The following TECTA variants were observed in gnomAD, a reference collection of about 807,000 sequenced individuals.
TECTA encodes the protein tectorin alpha.
TECTA carries 128 observed loss-of-function variants against 216.8 expected under a neutral mutation model. The ratio of observed to expected loss-of-function variants is 0.59; its 90% confidence interval spans 0.51 to 0.68. TECTA has a LOEUF of 0.68. Ranked by LOEUF, TECTA falls within the 30% of genes least tolerant of loss-of-function variation. The pLI, the probability that TECTA is intolerant of heterozygous loss-of-function variation, is 0.00. For synonymous variants in TECTA, 1,089 were observed against 1,117.1 expected, an observed-to-expected ratio of 0.97 and a Z score of 0.50; for missense variants, 2,551 against 2,786.2, an observed-to-expected ratio of 0.92 and a Z score of 1.90.
chr11:121,125,906 T>C, intron 8 of TECTA, 34 bp downstream of exon 8: 1 of 1,598,596 alleles, frequency 6.3e-7, no homozygotes, highest in Non-Finnish European at 8.5e-7. Context: ...GACAGGTCTC[T>C]CTTGTGCAGG....
At chr11:121,124,011 G>A (rs1043790945) in intron 7 of TECTA, among the ~76,000 whole-genome samples, 3 of 152,104 alleles carry the variant, frequency 2.0e-5, no homozygotes, top group Admixed American at 6.5e-5. Context: ...TATCTCAGAT[G>A]TCTCCTTCCC....
At chr11:121,168,349 G>T in intron 19 of TECTA, 132 bp downstream of exon 19, 1 of 1,255,892 alleles carries the variant, frequency 8.0e-7, no homozygotes, top group Admixed American at 1.7e-5. Flanking sequence ...GAGCCTAAAT[G>T]CTTTCAACCA....
Position 121,168,458 on chromosome 11 carries a change from CA to C in TECTA, c.5751-218del, listed in dbSNP as rs1306221690. The C allele has an allele frequency of 1.7e-5, 14 of 845,936 alleles. No individual in the cohort carries two copies. In the South Asian group the frequency reaches 2.4e-4, roughly 14 times the overall value. 52.4% of individuals were successfully genotyped at this position (845,936 alleles called of 1,614,324 possible). A position where few individuals can be genotyped will look rare whatever the true frequency, so the allele number is the denominator to read the frequency against. The stretch of plus-strand genomic sequence containing the variant: ...GCTGCTCAGCACTTGAAATGTGGCT[CA>C]GGGGGCTGCGGAATTGAATTTTTAA... On this transcript the variant is annotated intron_variant, in intron 19 of 23. Coordinates refer to ENST00000392793, the MANE Select transcript of TECTA (RefSeq NM_005422.4).
At chr11:121,111,153 G>T (rs1946438284) in intron 4 of TECTA, among the ~76,000 whole-genome samples, 1 of 152,220 alleles carries the variant, frequency 6.6e-6, no homozygotes, top group Non-Finnish European at 1.5e-5. Flanking sequence ...AATATTTACT[G>T]AGGGTTTACT....
intron 16 of TECTA, among the ~76,000 whole-genome samples, chr11:121,163,370 G>T (rs1222263215): frequency 6.7e-6 from 1 of 148,692 alleles, no homozygotes; most frequent in Non-Finnish European, 1.5e-5. Flanking sequence ...GAATACTCAT[G>T]TTCTCACTCA....
chr11:121,113,976 A>G lies in TECTA; in HGVS notation c.790+258A>G, dbSNP rs1393861117. On this transcript the variant is annotated intron_variant, in intron 6 of 23. Transcript: ENST00000392793. This position sits in a 1 kb window ranked among gnomAD's most constrained non-coding sequence, Gnocchi z 4.2. The stretch of plus-strand genomic sequence containing the variant: ...GTTATCCGTTCTGAACAACTCCGAA[A>G]TGGACCAAGATCTTGAGTGATTTCT... Among the ~76,000 whole-genome samples the G allele has an allele frequency of 6.6e-6, 1 of 152,204 alleles. No individual in the cohort carries two copies. The highest frequency in any genetic ancestry group is 2.4e-5 in the African/African-American group (1 of 41,454).
At position 121,105,766 on chromosome 11, in the gene TECTA, A is replaced by C; in HGVS notation, c.65-65A>C. On this transcript the variant is annotated intron_variant, in intron 2 of 23. Transcript: ENST00000392793. The surrounding 1 kb of genome is among the most constrained non-coding windows in gnomAD (Gnocchi z 5.3). ...AAAGAAGCTGGCTTCAGTAGGTAGG[A>C]GAGATGTAGATTGCCAAACGGCAGA... 1.2e-6 allele frequency: 2 copies of C among 1,606,680 alleles called. No homozygotes were observed. The highest frequency in any genetic ancestry group is 1.7e-6 in the Non-Finnish European group (2 of 1,176,550).
chr11:121,123,372 A>G (rs978734963), intron 7 of TECTA, among the ~76,000 whole-genome samples: 1 of 152,060 alleles, frequency 6.6e-6, no homozygotes, highest in Non-Finnish European at 1.5e-5. Flanking sequence ...CTCATGCCCC[A>G]TTGCAAAACC....
chr11:121,128,342 A>C lies in TECTA; in HGVS notation c.2365A>C (p.Lys789Gln), dbSNP rs767399353. ...AGGAGGCATCGGGGCTTCGGAAGTC[A>C]AGGTAAGGCTCCTTGCTCCTTTGGA... ...KIGGIGASEV[K>Q]LNGQEVELPF... Residue 789 changes from lysine to glutamine, a missense_variant and splice_region_variant, in exon 9 of 24, where the codon AAG becomes CAG. Lys to Gln is a moderately conservative substitution (Grantham distance 53). This residue lies in a region of TECTA where 2,375 missense variants were observed against 2,563.9 expected (regional missense o/e 0.93). Coordinates refer to ENST00000392793, the MANE Select transcript of TECTA (RefSeq NM_005422.4). 1.9e-6 allele frequency: 3 copies of C among 1,599,510 alleles called. No individual in the cohort carries two copies. In the South Asian group the frequency reaches 3.3e-5, roughly 18 times the overall value.
In TECTA at chr11:121,127,909, C is replaced by A. The variant is rs372952940; in HGVS notation, c.1932C>A (p.Cys644Ter). 6.2e-7 allele frequency: 1 copy of A among 1,614,004 alleles called. No individual in the cohort carries two copies. The highest frequency in any genetic ancestry group is 8.5e-7 in the Non-Finnish European group (1 of 1,180,030). ...NQGFVLSTSQCVPLHKCGCDF... is the reference protein window; with the variant it reads ...NQGFVLSTSQ ...GCTTCGTCCTCAGCACCAGCCAGTG[C>A]GTCCCTCTGCACAAGTGCGGCTGCG... Residue 644 changes from cysteine to a stop codon, truncating the protein, a stop_gained, in exon 9 of 24, where the codon TGC (cysteine) becomes TGA (stop). Coordinates refer to ENST00000392793, the MANE Select transcript of TECTA (RefSeq NM_005422.4). LOFTEE classifies it high-confidence loss of function. The surrounding 1 kb of genome is among the most constrained non-coding windows in gnomAD (Gnocchi z 5.0).
chr11:121,181,659 A>G (rs1947230847), intron 20 of TECTA, among the ~76,000 whole-genome samples: 1 of 151,926 alleles, frequency 6.6e-6, no homozygotes, highest in African/African-American at 2.4e-5. Flanking sequence ...TAGTAGAGAC[A>G]GGTTTCTCCA....
chr11:121,135,940 C>T (rs183458231), intron 10 of TECTA, among the ~76,000 whole-genome samples: 1 of 149,228 alleles, frequency 6.7e-6, no homozygotes, highest in East Asian at 1.9e-4. Flanking sequence ...GTGAGTATCC[C>T]GTGGTATTAT....
chr11:121,136,240 G>A (rs1287215356), intron 10 of TECTA, among the ~76,000 whole-genome samples: 8 of 152,150 alleles, frequency 5.3e-5, no homozygotes, highest in African/African-American at 1.7e-4. Flanking sequence ...GGATTTACAA[G>A]TGTGTGCTGT....
intron 4 of TECTA, 136 bp from the exon 5 acceptor site, chr11:121,112,936 G>T: frequency 1.9e-6 from 2 of 1,048,264 alleles, no homozygotes; most frequent in Admixed American, 4.0e-5. Context: ...AGAGGAGTCA[G>T]AGCTGGAGGG....
rs201725913 is a variant in TECTA, at chr11:121,129,781, G to A, written c.2511G>A (p.Leu837=). ...ACATAGGTCTATTGTACATCCGGCTGTCCACCACATACTTCAATTGCACAG... is the reference window on the plus strand; with the variant it reads ...ACATAGGTCTATTGTACATCCGGCTATCCACCACATACTTCAATTGCACAG... ...YSDIGLLYIR[L]STTYFNCTGG... Residue 837 remains leucine, a synonymous_variant, in exon 10 of 24, where the codon CTG becomes CTA. Coordinates refer to ENST00000392793, the MANE Select transcript of TECTA (RefSeq NM_005422.4). 16 of 1,614,206 alleles carry A rather than the reference G, an allele frequency of 9.9e-6. No individual in the cohort carries two copies. The Admixed American group carries it at 1.3e-4, about 13-fold the overall frequency.
At chr11:121,121,372 T>C (rs1946556897) in intron 7 of TECTA, among the ~76,000 whole-genome samples, 1 of 152,012 alleles carries the variant, frequency 6.6e-6, no homozygotes, top group South Asian at 2.1e-4. Context: ...AAGAGTGAAA[T>C]GGCCAGAATG....
In TECTA at chr11:121,118,360, A is replaced by T; in HGVS notation, c.845A>T (p.Lys282Met). 1 of 1,614,178 alleles carries T rather than the reference A, an allele frequency of 6.2e-7. No homozygotes were observed. The change falls in exon 7 of 24, where the codon AAG becomes ATG. Residue 282 changes from lysine to methionine, a missense_variant. This residue lies in a region of TECTA where 2,375 missense variants were observed against 2,563.9 expected (regional missense o/e 0.93). Transcript: ENST00000392793. ...TGGGATGACTTGAACTGCACCGTCA[A>T]GTGCCGCTGTCTGGATTTCAACAAT... Reference protein sequence around the residue: ...VFWDDLNCTVKCRCLDFNNEI... With the variant: ...VFWDDLNCTVMCRCLDFNNEI...
chr11:121,184,103 T>C lies in TECTA; in HGVS notation c.6000-3729T>C, dbSNP rs1024319588. 3.3e-5 allele frequency among the ~76,000 whole-genome samples: 5 copies of C among 152,214 alleles called. No individual in the cohort carries two copies. In the East Asian group the frequency reaches 9.6e-4, roughly 29 times the overall value. ...CATGCCAGCCAGCCTACAATAATTCTTAAAGCAGGTGAATGTATTAATCAC... is the reference window on the plus strand; with the variant it reads ...CATGCCAGCCAGCCTACAATAATTCCTAAAGCAGGTGAATGTATTAATCAC... On this transcript the variant is annotated intron_variant, in intron 20 of 23. Transcript: ENST00000392793.
chr11:121,184,819 T>C (rs147632429), intron 20 of TECTA, among the ~76,000 whole-genome samples: 4 of 152,316 alleles, frequency 2.6e-5, no homozygotes, highest in Non-Finnish European at 4.4e-5. Flanking sequence ...TATTTCTGAA[T>C]TGATGTTTAT....
Sources: gnomAD v4.1 joint callset for allele counts (sites outside exome capture counted in the v4.1 genomes callset) on GRCh38, gnomAD v4.1.1 for gene constraint, gnomAD v4.1.1 regional missense constraint, Gnocchi (gnomAD v3.1) non-coding constraint, MANE v1.5 for transcripts, NCBI Gene and HGNC (gene_info 2026-07-23, HGNC 2026-07-21) for gene names.